ESYT2: variants seen among roughly 807,000 people sequenced by gnomAD.
ESYT2 encodes the protein extended synaptotagmin 2, also known as extended synaptotagmin-2.
Under a neutral mutation model 107.2 loss-of-function variants are expected in ESYT2, and 54 were observed. That is an observed-to-expected ratio of 0.50 (90% confidence interval 0.40 to 0.63). The LOEUF is 0.63. Ranked by LOEUF, ESYT2 falls within the 30% of genes least tolerant of loss-of-function variation. ESYT2 has a pLI of 0.00. For synonymous variants in ESYT2, 491 were observed against 434.1 expected, an observed-to-expected ratio of 1.13 and a Z score of -1.63; for missense variants, 1,020 against 1,094.5, an observed-to-expected ratio of 0.93 and a Z score of 0.96.
intron 1 of ESYT2, among the ~76,000 whole-genome samples, chr7:158,811,185 T>G (rs1206178383): frequency 6.6e-6 from 1 of 151,918 alleles, no homozygotes; most frequent in African/African-American, 2.4e-5. Context: ...AAAATTAAAA[T>G]TAAGAAAAAA....
chr7:158,808,272 G>A (rs183075246), intron 1 of ESYT2, among the ~76,000 whole-genome samples: 204 of 152,366 alleles, frequency 1.3e-3, no homozygotes, highest in African/African-American at 4.6e-3. Context: ...TCTGAGTAAG[G>A]TGATGAAATC....
At chr7:158,752,950 C>A in intron 13 of ESYT2, 107 bp from the exon 14 acceptor site, 1 of 699,900 alleles carries the variant, frequency 1.4e-6, no homozygotes, top group East Asian at 6.8e-5. Flanking sequence ...AAACAAAAAT[C>A]TTTAAACAAA....
rs947157815 is a variant in ESYT2, at chr7:158,761,403, T to C, written c.1233+93A>G. Reference sequence around the variant, plus strand: ...CATACTAATTAGGATTCCGGCACTGTGTGATGGTGAAGGGGTGGTTCGTGG... The same window carrying C: ...CATACTAATTAGGATTCCGGCACTGCGTGATGGTGAAGGGGTGGTTCGTGG... On this transcript the variant is annotated intron_variant, in intron 11 of 22. Transcript: ENST00000275418. 6.7e-6 allele frequency: 7 copies of C among 1,041,458 alleles called. No individual in the cohort carries two copies. The African/African-American group carries it at 1.1e-4, about 17-fold the overall frequency. The allele number at this position is 1,041,458 out of a possible 1,614,324, so 64.5% of individuals were successfully genotyped here. A position where few individuals can be genotyped will look rare whatever the true frequency, so the allele number is the denominator to read the frequency against.
chr7:158,782,107 AGT>A (rs1336938847), intron 6 of ESYT2, among the ~76,000 whole-genome samples: 5 of 148,730 alleles, frequency 3.4e-5, no homozygotes, highest in African/African-American at 7.5e-5. Context: ...ACGACAACAA[AGT>A]GTGAGGTGTG....
At chr7:158,775,807 G>A (rs1424488812) in intron 6 of ESYT2, among the ~76,000 whole-genome samples, 1 of 152,096 alleles carries the variant, frequency 6.6e-6, no homozygotes, top group Non-Finnish European at 1.5e-5. Context: ...GTTTTCAATG[G>A]CATCTAGGAT....
At chr7:158,763,237 T>A (rs550587408) in intron 9 of ESYT2, 72 bp from the exon 10 acceptor site, 2 of 983,618 alleles carry the variant, frequency 2.0e-6, no homozygotes, top group East Asian at 5.2e-5. Flanking sequence ...GATATGATGA[T>A]TGTAGTAAAT....
Position 158,759,473 on chromosome 7 carries a change from CTG to C in ESYT2, c.1419+11_1419+12del. Reference sequence around the variant, plus strand: ...AAATACGCACCCACAGGTGTTACCACTGTGTTACCTACCGGAAGGTTCCTTGC... The same window carrying C: ...AAATACGCACCCACAGGTGTTACCACTGTTACCTACCGGAAGGTTCCTTGC... On this transcript the variant is annotated intron_variant, in intron 13 of 22. Transcript: ENST00000275418. 1 of 1,601,948 alleles carries C rather than the reference CTG, an allele frequency of 6.2e-7. No homozygotes were observed.
intron 6 of ESYT2, among the ~76,000 whole-genome samples, chr7:158,775,429 G>A (rs1221042882): frequency 2.0e-5 from 3 of 152,184 alleles, no homozygotes; most frequent in African/African-American, 7.2e-5. Context: ...TTCAAAAGCG[G>A]AGTCATCCTC....
chr7:158,808,156 G>A (rs548300878), intron 1 of ESYT2, among the ~76,000 whole-genome samples: 3 of 152,270 alleles, frequency 2.0e-5, no homozygotes, highest in Admixed American at 6.5e-5. Context: ...CCTACTTATC[G>A]GCAGTTCCAC....
intron 19 of ESYT2, 59 bp downstream of exon 19, chr7:158,738,964 C>T: frequency 6.6e-7 from 1 of 1,512,572 alleles, no homozygotes; most frequent in Non-Finnish European, 9.2e-7. Flanking sequence ...TCTACATCAT[C>T]CTATCCAGCA....
chr7:158,819,113 A>G (rs1018265227), intron 1 of ESYT2, among the ~76,000 whole-genome samples: 2 of 152,246 alleles, frequency 1.3e-5, no homozygotes, highest in African/African-American at 4.8e-5. Flanking sequence ...AAGAAAAGCA[A>G]TCTGAAGTTG....
At chr7:158,776,775 T>G (rs546306613) in intron 6 of ESYT2, among the ~76,000 whole-genome samples, 1 of 152,230 alleles carries the variant, frequency 6.6e-6, no homozygotes. Flanking sequence ...ATTTGGCTGT[T>G]TGGCACAAGA....
chr7:158,752,748 T>C (rs774016031), intron 14 of ESYT2, 33 bp downstream of exon 14: 55 of 1,272,716 alleles, frequency 4.3e-5, no homozygotes, highest in Non-Finnish European at 5.2e-5. Flanking sequence ...TATGTTTTCA[T>C]TAACTCTGTG....
intron 1 of ESYT2, among the ~76,000 whole-genome samples, chr7:158,809,866 T>C (rs1279006014): frequency 3.3e-5 from 5 of 152,250 alleles, no homozygotes; most frequent in Non-Finnish European, 7.3e-5. Flanking sequence ...GCTGTTTCTG[T>C]AGCTCACTTT....
At chr7:158,810,995 G>C (rs1292847394) in intron 1 of ESYT2, among the ~76,000 whole-genome samples, 1 of 128,400 alleles carries the variant, frequency 7.8e-6, no homozygotes, top group Non-Finnish European at 1.6e-5. Context: ...CAATACAGCT[G>C]TTAAAAAAAA....
chr7:158,780,900 T>C (rs1054048155), intron 6 of ESYT2, among the ~76,000 whole-genome samples: 5 of 151,748 alleles, frequency 3.3e-5, no homozygotes, highest in African/African-American at 1.2e-4. Context: ...AGGGAGCAAG[T>C]GGAAAGAGAG....
At chr7:158,750,150 T>G (rs1029875972) in intron 14 of ESYT2, among the ~76,000 whole-genome samples, 3 of 151,848 alleles carry the variant, frequency 2.0e-5, no homozygotes, top group Non-Finnish European at 2.9e-5. Context: ...TAGTACAGAG[T>G]GTCAGATACA....
intron 16 of ESYT2, chr7:158,743,982 G>A: frequency 8.3e-6 from 2 of 240,350 alleles, no homozygotes; most frequent in Middle Eastern, 1.4e-3. Flanking sequence ...GCTGAGGCAT[G>A]AGAATCGCTT....
chr7:158,766,022 A>AC (rs1440617308), intron 8 of ESYT2, among the ~76,000 whole-genome samples: 1 of 152,044 alleles, frequency 6.6e-6, no homozygotes, highest in African/African-American at 2.4e-5. Flanking sequence ...ACACAGTGAA[A>AC]CCCCATCTCT....
Sources: gnomAD v4.1 joint callset for allele counts (sites outside exome capture counted in the v4.1 genomes callset) on GRCh38, gnomAD v4.1.1 for gene constraint, MANE v1.5 for transcripts, NCBI Gene and HGNC (gene_info 2026-07-23, HGNC 2026-07-21) for gene names.